FHIP1A: variants seen among roughly 807,000 people sequenced by gnomAD.
FHIP1A encodes FHF complex subunit HOOK interacting protein 1A.
A neutral mutation model predicts 88.6 loss-of-function variants in FHIP1A; 61 were observed. The observed-to-expected ratio is 0.69, with a 90% CI of 0.56 to 0.85. The LOEUF is 0.85. FHIP1A is among the 40% of genes least tolerant of loss of function. The pLI, the probability that FHIP1A is intolerant of heterozygous loss-of-function variation, is 0.00. For missense variants in FHIP1A, 1,154 were observed against 1,273.5 expected, an observed-to-expected ratio of 0.91 and a Z score of 1.43; for synonymous variants, 478 against 496.0, an observed-to-expected ratio of 0.96 and a Z score of 0.48.
chr4:151,619,633 G>A (rs1735662857), intron 7 of FHIP1A, among the ~76,000 whole-genome samples: 1 of 152,170 alleles, frequency 6.6e-6, no homozygotes, highest in African/African-American at 2.4e-5. Flanking sequence ...GCGAATAAAT[G>A]TTAGTTGGTA....
chr4:151,590,499 G>A (rs751441625), intron 7 of FHIP1A, among the ~76,000 whole-genome samples: 1 of 152,154 alleles, frequency 6.6e-6, no homozygotes, highest in Non-Finnish European at 1.5e-5. Context: ...CTTAGTACAG[G>A]TAAAGTTAAA....
intron 7 of FHIP1A, among the ~76,000 whole-genome samples, chr4:151,612,157 C>T (rs1735346053): frequency 6.6e-6 from 1 of 152,200 alleles, no homozygotes; most frequent in African/African-American, 2.4e-5. Flanking sequence ...GATCTCCAGG[C>T]TTCAGTATCA....
At chr4:151,562,114 A>G (rs1359759994) in intron 3 of FHIP1A, among the ~76,000 whole-genome samples, 1 of 152,196 alleles carries the variant, frequency 6.6e-6, no homozygotes, top group African/African-American at 2.4e-5. Context: ...CCTGCCTCCT[A>G]GCTCAAAGCT....
rs1368463544 is a variant in FHIP1A at position 151,482,545 on chromosome 4, G to T, written c.-226G>T. The T allele has an allele frequency of 6.6e-6, 1 of 151,814 alleles. No individual in the cohort carries two copies. The highest frequency in any genetic ancestry group is 1.5e-5 in the Non-Finnish European group (1 of 67,902). The allele number at this position is 151,814 out of a possible 1,614,324, so 9.4% of individuals were successfully genotyped here. On this transcript the variant is annotated 5_prime_UTR_variant, in exon 3 of 14. Transcript: ENST00000435205. ...ATAGATTTTTAAAGTCTTCTTCTAGGGGTTTCCAGCAGAGCCAAATGTTAG... is the reference window on the plus strand; with the variant it reads ...ATAGATTTTTAAAGTCTTCTTCTAGTGGTTTCCAGCAGAGCCAAATGTTAG...
chr4:151,608,682 TG>T (rs1337489087), intron 7 of FHIP1A, among the ~76,000 whole-genome samples: 1 of 152,196 alleles, frequency 6.6e-6, no homozygotes, highest in African/African-American at 2.4e-5. Context: ...TCTAGTTATG[TG>T]TGCTGTCAAG....
At chr4:151,427,415 G>A (rs778713358) in intron 1 of FHIP1A, among the ~76,000 whole-genome samples, 48 of 152,020 alleles carry the variant, frequency 3.2e-4, no homozygotes, top group Non-Finnish European at 6.0e-4. Context: ...AATTTAGATA[G>A]GACATTTGTT....
At position 151,650,160 on chromosome 4, in the gene FHIP1A, A is replaced by C; in HGVS notation, c.2119A>C (p.Ser707Arg). ...TAGGGACAATTCAGACCCGTTTCAC[A>C]GTGAGCCCAAGGAGCCAAAGCAAGA... ...WNRDNSDPFH[S>R]EPKEPKQERE... The change falls in exon 11 of 14, where the codon AGT (serine) becomes CGT (arginine). Residue 707 changes from serine to arginine, a missense_variant. Physicochemically the swap from Ser to Arg is moderately radical, Grantham distance 110. Transcript: ENST00000435205. 4 of 1,551,722 alleles carry C rather than the reference A, an allele frequency of 2.6e-6. No individual in the cohort carries two copies. Among genetic ancestry groups the C allele is most frequent in the Non-Finnish European group, 3.5e-6 (4 of 1,146,992 alleles).
intron 1 of FHIP1A, among the ~76,000 whole-genome samples, chr4:151,424,378 G>T (rs1190186319): frequency 6.6e-6 from 1 of 152,178 alleles, no homozygotes; most frequent in Non-Finnish European, 1.5e-5. Context: ...AGAGCAGGAG[G>T]TGGTGTTTAC....
chr4:151,461,841 G>A (rs1729151448), intron 2 of FHIP1A, among the ~76,000 whole-genome samples: 1 of 152,144 alleles, frequency 6.6e-6, no homozygotes, highest in Non-Finnish European at 1.5e-5. Context: ...TGACCTGAAG[G>A]ACTTTGGGCA....
intron 9 of FHIP1A, among the ~76,000 whole-genome samples, chr4:151,639,568 C>A (rs1357745656): frequency 6.6e-6 from 1 of 152,162 alleles, no homozygotes; most frequent in Non-Finnish European, 1.5e-5. Context: ...CCTGGTTAGA[C>A]CATGGTGTAC....
At chr4:151,493,555 A>G (rs1042582546) in intron 3 of FHIP1A, among the ~76,000 whole-genome samples, 5 of 152,210 alleles carry the variant, frequency 3.3e-5, no homozygotes, top group Non-Finnish European at 7.3e-5. Flanking sequence ...CCTGATTAAC[A>G]TAGAAGCAAA....
At chr4:151,566,432 G>A (rs1380581269) in intron 4 of FHIP1A, 68 bp downstream of exon 4, 2 of 852,342 alleles carry the variant, frequency 2.3e-6, no homozygotes, top group African/African-American at 1.7e-5. Context: ...CACTGAATCA[G>A]GGTTTTCTAC....
chr4:151,504,604 TATGTC>T (rs879898256), intron 3 of FHIP1A, among the ~76,000 whole-genome samples: 4,411 of 61,080 alleles, frequency 0.072, 82 homozygotes, highest in African/African-American at 0.11. Flanking sequence ...TATGTTATGT[TATGTC>T]ATGTTATGTT....
At chr4:151,520,894 G>A (rs2126694577) in intron 3 of FHIP1A, among the ~76,000 whole-genome samples, 1 of 152,272 alleles carries the variant, frequency 6.6e-6, no homozygotes, top group South Asian at 2.1e-4. Flanking sequence ...TGTTCTCCAT[G>A]GGTTCTGTAA....
At chr4:151,530,091 G>A (rs978324428) in intron 3 of FHIP1A, among the ~76,000 whole-genome samples, 1 of 152,134 alleles carries the variant, frequency 6.6e-6, no homozygotes, top group Non-Finnish European at 1.5e-5. Context: ...TAAGTCGTTC[G>A]AACTCAATGC....
At chr4:151,477,999 T>C (rs1729766783) in intron 2 of FHIP1A, among the ~76,000 whole-genome samples, 1 of 152,194 alleles carries the variant, frequency 6.6e-6, no homozygotes, top group Non-Finnish European at 1.5e-5. Flanking sequence ...ATACGCACTA[T>C]GAATGTATTC....
Position 151,578,082 on chromosome 4 carries a change from T to G in FHIP1A, c.732+6T>G. ...AGAACACCTACTTTTGTCCAGTAAG[T>G]CTCTTTCCTTGGCATGTTTTCCACT... On this transcript the variant is annotated splice_donor_region_variant and intron_variant, in intron 5 of 13. Coordinates refer to ENST00000435205, the MANE Select transcript of FHIP1A (RefSeq NM_001109977.3). The G allele has an allele frequency of 6.5e-7, 1 of 1,545,072 alleles. No individual in the cohort carries two copies. Among genetic ancestry groups the G allele is most frequent in the Non-Finnish European group, 8.7e-7 (1 of 1,143,856 alleles).
At chr4:151,638,565 T>TAAAA in intron 8 of FHIP1A, 112 bp from the exon 9 acceptor site, 7 of 485,314 alleles carry the variant, frequency 1.4e-5, no homozygotes, top group Non-Finnish European at 2.5e-5. Context: ...TCAAAACTGC[T>TAAAA]AAAAAAAAAA....
intron 1 of FHIP1A, among the ~76,000 whole-genome samples, chr4:151,443,980 C>G (rs1445201270): frequency 6.6e-6 from 1 of 150,582 alleles, no homozygotes; most frequent in South Asian, 2.1e-4. Context: ...CACTTCACCC[C>G]CTATTTCCTG....
Sources: gnomAD v4.1 joint callset for allele counts (sites outside exome capture counted in the v4.1 genomes callset) on GRCh38, gnomAD v4.1.1 for gene constraint, MANE v1.5 for transcripts, NCBI Gene and HGNC (gene_info 2026-07-23, HGNC 2026-07-21) for gene names.